The following FBXO17 variants were observed in gnomAD, a reference collection of about 807,000 sequenced individuals.
FBXO17 encodes the protein F-box protein 17, also known as F-box only protein 17.
FBXO17 carries 43 observed loss-of-function variants against 34.1 expected under a neutral mutation model. The observed-to-expected ratio is 1.26, with a 90% CI of 0.99 to 1.62. The LOEUF is 1.62. Among genes scored for constraint, FBXO17 ranks in the 40% most tolerant of loss-of-function variants. The probability of loss-of-function intolerance (pLI) is 0.00; values close to 1 mark genes in which losing one functional copy is unlikely to be tolerated. For synonymous variants in FBXO17, 169 were observed against 166.0 expected (o/e 1.02, Z -0.14); for missense variants, 424 against 386.7 (o/e 1.10, Z -0.81).
chr19:38,952,529 C>T (rs1446450048), intron 1 of FBXO17: 1 of 534,390 alleles, frequency 1.9e-6, no homozygotes. Context: ...GACCATTCTC[C>T]CTCCACCCTC....
intron 1 of FBXO17, among the ~76,000 whole-genome samples, chr19:38,974,857 G>GT (rs1975440260): frequency 6.6e-6 from 1 of 152,122 alleles, no homozygotes; most frequent in Non-Finnish European, 1.5e-5. Flanking sequence ...AAGGCGTGTT[G>GT]TTTTCCATGC....
intron 1 of FBXO17, among the ~76,000 whole-genome samples, chr19:38,964,049 G>A (rs949528751): frequency 2.0e-5 from 3 of 152,144 alleles, no homozygotes; most frequent in Non-Finnish European, 2.9e-5. Context: ...TTCCCAAAGT[G>A]CTGGGATTGT....
chr19:38,952,905 C>T (rs1458055148), intron 1 of FBXO17: 1 of 452,872 alleles, frequency 2.2e-6, no homozygotes, highest in Non-Finnish European at 4.5e-6. Context: ...CCTTCCAACC[C>T]ACTGTGATCT....
chr19:38,960,921 C>A (rs1975240688), intron 1 of FBXO17, among the ~76,000 whole-genome samples: 1 of 151,924 alleles, frequency 6.6e-6, no homozygotes, highest in East Asian at 1.9e-4. Flanking sequence ...ATTCTCCTGC[C>A]TCAGCCTTCT....
intron 1 of FBXO17, among the ~76,000 whole-genome samples, chr19:38,957,613 G>A (rs970795700): frequency 1.3e-5 from 2 of 152,098 alleles, no homozygotes; most frequent in African/African-American, 4.8e-5. Context: ...CAAAGTGCTG[G>A]GATTACAGAC....
rs114464609 is a variant in FBXO17, at chr19:38,952,815, A to C, written c.-17-2479T>G. On this transcript the variant is annotated intron_variant, in intron 1 of 5. Transcript: ENST00000292852. ...TTGTTTGAATAACAGCAGCCTCTTC[A>C]GAACCTCAATCTCACACTCACTCTC... 3.5e-3 allele frequency: 1,584 copies of C among 457,326 alleles called. 21 individuals carry two copies. Among genetic ancestry groups the C allele is most frequent in the African/African-American group, 0.029 (1,448 of 50,128 alleles). The allele number at this position is 457,326 out of a possible 1,614,324, so 28.3% of individuals were successfully genotyped here.
intron 5 of FBXO17, among the ~76,000 whole-genome samples, chr19:38,943,518 AC>A (rs1230357243): frequency 6.6e-6 from 1 of 151,496 alleles, no homozygotes; most frequent in Non-Finnish European, 1.5e-5. Flanking sequence ...CAGGTGATCC[AC>A]CCGCCATGGT....
Position 38,942,618 on chromosome 19 carries a change from C to T in FBXO17, c.827G>A (p.Arg276His), listed in dbSNP as rs376613085. The T allele has an allele frequency of 2.4e-5, 38 of 1,576,292 alleles. No individual in the cohort carries two copies. The highest frequency in any genetic ancestry group is 5.9e-5 in the Admixed American group (3 of 51,102). Residue 276 changes from arginine to histidine, a missense_variant, in exon 6 of 6, where the codon CGT becomes CAT. Physicochemically the swap from Arg to His is conservative, Grantham distance 29. Transcript: ENST00000292852. ...VTHSSVRVRI[R>H]LS ...GCAGTAGTCCAGTCGCTAGGACAGA[C>T]GGATCCTGACCCTCACACTGGAGTG... is the stretch of plus-strand genomic sequence containing the variant.
Position 38,950,186 on chromosome 19 carries a change from A to C in FBXO17, c.134T>G (p.Val45Gly). 3 of 1,557,508 alleles carry C rather than the reference A, an allele frequency of 1.9e-6. No individual in the cohort carries two copies. The highest frequency in any genetic ancestry group is 2.6e-6 in the Non-Finnish European group (3 of 1,158,566). Residue 45 changes from valine (V) to glycine (G), a missense_variant, in exon 2 of 6, where the codon GTG becomes GGG. Coordinates refer to ENST00000292852, the MANE Select transcript of FBXO17 (RefSeq NM_024907.7). ...CACTATGTCGCGCCAGGCGCGGCAC[A>C]CTGGGCGGCATCGCGTGACCAAGGA... Reference protein sequence around the residue: ...PRSLVTRCRPVCRAWRDIVDG... With the variant: ...PRSLVTRCRPGCRAWRDIVDG...
rs181742085 is a variant in FBXO17, at chr19:38,941,432, C to G, written c.*1176G>C. 9.9e-5 allele frequency: 15 copies of G among 152,210 alleles called. No individual in the cohort carries two copies. The highest frequency in any genetic ancestry group is 8.5e-4 in the Admixed American group (13 of 15,266). The allele number at this position is 152,210 out of a possible 1,614,324, so 9.4% of individuals were successfully genotyped here. On this transcript the variant is annotated 3_prime_UTR_variant, in exon 6 of 6. Coordinates refer to ENST00000292852, the MANE Select transcript of FBXO17 (RefSeq NM_024907.7). ...GTGGAGTGGGAAATCAGGGGTCTCA[C>G]GGCCTTCAGAGCTGAGAGCCTTGAA... is the stretch of plus-strand genomic sequence containing the variant.
intron 1 of FBXO17, among the ~76,000 whole-genome samples, chr19:38,953,325 T>C (rs563008862): frequency 6.8e-6 from 1 of 147,898 alleles, no homozygotes; most frequent in South Asian, 2.2e-4. Context: ...ATAAAAAGAA[T>C]AGCAAAAAAA....
In FBXO17 at chr19:38,958,345, T is replaced by C. The variant is rs148160985; in HGVS notation, c.-17-8009A>G. Among the ~76,000 whole-genome samples the C allele has an allele frequency of 3.0e-3, 433 of 142,800 alleles. 1 individual carries two copies. Among genetic ancestry groups the C allele is most frequent in the Middle Eastern group, 0.023 (6 of 264 alleles). The allele number at this position is 142,800 out of a possible 152,430, so 93.7% of individuals were successfully genotyped here. The stretch of plus-strand genomic sequence containing the variant: ...ATCCCTTGAACCCAGGAGGTGGAGA[T>C]TGTGGTAAGCTGAGATTGTGCCACT... On this transcript the variant is annotated intron_variant, in intron 1 of 5. Coordinates refer to ENST00000292852, the MANE Select transcript of FBXO17 (RefSeq NM_024907.7).
rs768291006 is a variant in FBXO17, at chr19:38,949,927, G to A, written c.349+44C>T. ...TCCCGGCCCCGCCCCCGCCTCGCTC[G>A]CGCGGCCCCCCTCAGCCTCCTGGGC... is the stretch of plus-strand genomic sequence containing the variant. On this transcript the variant is annotated intron_variant, in intron 2 of 5. Coordinates refer to ENST00000292852, the MANE Select transcript of FBXO17 (RefSeq NM_024907.7). The A allele has an allele frequency of 1.1e-5, 15 of 1,377,390 alleles. No individual in the cohort carries two copies. In the South Asian group the frequency reaches 2.3e-4, roughly 21 times the overall value. The allele number at this position is 1,377,390 out of a possible 1,614,324, so 85.3% of individuals were successfully genotyped here. A position where few individuals can be genotyped will look rare whatever the true frequency, so the allele number is the denominator to read the frequency against.
intron 1 of FBXO17, among the ~76,000 whole-genome samples, chr19:38,972,798 C>T (rs1783634468): frequency 6.6e-6 from 1 of 152,036 alleles, no homozygotes; most frequent in African/African-American, 2.4e-5. Context: ...TTGCTCTTGT[C>T]GCCCAGGCTG....
chr19:38,945,181 TG>T, intron 4 of FBXO17, 77 bp from the exon 5 acceptor site: 1 of 1,572,292 alleles, frequency 6.4e-7, no homozygotes. Context: ...GGCTGAGGGC[TG>T]GCTCCATCTT....
intron 1 of FBXO17, among the ~76,000 whole-genome samples, chr19:38,966,653 C>CA (rs763713545): frequency 1.3e-5 from 2 of 152,002 alleles, no homozygotes; most frequent in Admixed American, 6.6e-5. Flanking sequence ...ACGCCTCTTT[C>CA]AAAATGGAAA....
At chr19:38,974,018 GTA>G (rs143909681) in intron 1 of FBXO17, among the ~76,000 whole-genome samples, 19 of 129,150 alleles carry the variant, frequency 1.5e-4, no homozygotes, top group African/African-American at 1.9e-4. Context: ...ATATATATGT[GTA>G]TATATATATA....
intron 1 of FBXO17, among the ~76,000 whole-genome samples, chr19:38,970,136 AAAT>A (rs1975373274): frequency 6.6e-6 from 1 of 152,104 alleles, no homozygotes; most frequent in African/African-American, 2.4e-5. Context: ...CAAATATTAT[AAAT>A]AATACAAATA....
At position 38,949,977 on chromosome 19, in the gene FBXO17, C is replaced by G; in HGVS notation, c.343G>C (p.Gly115Arg). 1 of 1,542,722 alleles carries G rather than the reference C, an allele frequency of 6.5e-7. No individual in the cohort carries two copies. Among genetic ancestry groups the G allele is most frequent in the Admixed American group, 2.0e-5 (1 of 50,742 alleles). The change falls in exon 2 of 6, where the codon GGA (glycine) becomes CGA (arginine). Residue 115 changes from glycine to arginine, a missense_variant. Coordinates refer to ENST00000292852, the MANE Select transcript of FBXO17 (RefSeq NM_024907.7). ...CCCCGCCCCCGTCACCCACGCTCTCCGCAGGAGTTGAAGATGAGATTGCGG... is the reference window on the plus strand; with the variant it reads ...CCCCGCCCCCGTCACCCACGCTCTCGGCAGGAGTTGAAGATGAGATTGCGG... ...FGRNLIFNSC[G>R]EQGFRGWEVE...
Sources: allele counts gnomAD v4.1 joint callset (sites outside exome capture counted in the v4.1 genomes callset), GRCh38; gene constraint gnomAD v4.1.1; transcripts MANE v1.5; gene names NCBI Gene and HGNC (gene_info 2026-07-23, HGNC 2026-07-21).